Variants in EIF4EBP1 observed in about 807,000 individuals in gnomAD.
The protein encoded by EIF4EBP1 is eukaryotic translation initiation factor 4E-binding protein 1.
In EIF4EBP1, 5 loss-of-function variants were observed where a neutral mutation model predicts 9.2. The observed-to-expected ratio is 0.54, with a 90% CI of 0.28 to 1.14. The LOEUF (loss-of-function observed/expected upper bound fraction) is 1.14. Ranked by LOEUF, EIF4EBP1 falls within the 50% of genes most tolerant of loss-of-function variation. EIF4EBP1 has a pLI of 0.09. For missense variants in EIF4EBP1, 139 were observed against 169.6 expected, an observed-to-expected ratio of 0.82 and a Z score of 1.00; for synonymous variants, 62 against 67.0, an observed-to-expected ratio of 0.93 and a Z score of 0.36.
chr8:38,046,997 C>T (rs1264009745), intron 1 of EIF4EBP1, among the ~76,000 whole-genome samples: 1 of 152,194 alleles, frequency 6.6e-6, no homozygotes, highest in Non-Finnish European at 1.5e-5. Context: ...CTCTGCATCT[C>T]TGGGTTGGCA....
At chr8:38,058,841 T>A (rs572172185) in intron 2 of EIF4EBP1, among the ~76,000 whole-genome samples, 1 of 152,296 alleles carries the variant, frequency 6.6e-6, no homozygotes, top group Admixed American at 6.5e-5. Context: ...CCCAGCACTC[T>A]GGGAGGCTGA....
intron 1 of EIF4EBP1, among the ~76,000 whole-genome samples, chr8:38,040,715 A>C (rs1002918088): frequency 1.3e-5 from 2 of 152,194 alleles, no homozygotes; most frequent in Admixed American, 1.3e-4. Flanking sequence ...CTGATCACTC[A>C]GTAGTCTAGC....
intron 1 of EIF4EBP1, among the ~76,000 whole-genome samples, chr8:38,056,612 A>T (rs1418915957): frequency 6.7e-6 from 1 of 150,172 alleles, no homozygotes; most frequent in Admixed American, 6.6e-5. Flanking sequence ...GTTTGGAGGT[A>T]GCAGAGTTCT....
rs959825354 is a variant in EIF4EBP1 at position 38,057,116 on chromosome 8, G to A, written c.181G>A (p.Glu61Lys). 2.3e-5 allele frequency: 37 copies of A among 1,614,062 alleles called. No individual in the cohort carries two copies. Among genetic ancestry groups the A allele is most frequent in the Non-Finnish European group, 3.1e-5 (36 of 1,180,036 alleles). The change falls in exon 2 of 3, where the codon GAG (glutamate) becomes AAG (lysine). Residue 61 changes from glutamate (E) to lysine (K), a missense_variant. By Grantham distance (56) the Glu-to-Lys change is moderately conservative. Coordinates refer to ENST00000338825, the MANE Select transcript of EIF4EBP1 (RefSeq NM_004095.4). ...RIIYDRKFLM[E>K]CRNSPVTKTP... ...CATCTATGACCGGAAATTCCTGATGGAGTGTCGGAACTCACCTGTGACCAA... is the reference window on the plus strand; with the variant it reads ...CATCTATGACCGGAAATTCCTGATGAAGTGTCGGAACTCACCTGTGACCAA...
At chr8:38,047,086 G>A (rs1020402381) in intron 1 of EIF4EBP1, among the ~76,000 whole-genome samples, 3 of 152,156 alleles carry the variant, frequency 2.0e-5, no homozygotes, top group Admixed American at 6.5e-5. Context: ...TCTCTGGGCC[G>A]GGGGTTTAGG....
At chr8:38,031,012 G>GCC (rs1809209749) in intron 1 of EIF4EBP1, among the ~76,000 whole-genome samples, 1 of 152,218 alleles carries the variant, frequency 6.6e-6, no homozygotes. Context: ...GAGCTGTGCT[G>GCC]CCCCTTGTGG....
chr8:38,045,409 C>T (rs1221719157), intron 1 of EIF4EBP1, among the ~76,000 whole-genome samples: 1 of 152,086 alleles, frequency 6.6e-6, no homozygotes, highest in East Asian at 1.9e-4. Flanking sequence ...GGTGAGGAAA[C>T]TAGAACCTAA....
chr8:38,058,936 T>C (rs1809633617), intron 2 of EIF4EBP1, among the ~76,000 whole-genome samples: 1 of 151,782 alleles, frequency 6.6e-6, no homozygotes, highest in Non-Finnish European at 1.5e-5. Context: ...ATTTTAAAAT[T>C]AGCCAGGCAT....
chr8:38,058,478 C>T (rs916359605), intron 2 of EIF4EBP1, among the ~76,000 whole-genome samples: 6 of 152,182 alleles, frequency 3.9e-5, no homozygotes, highest in African/African-American at 9.7e-5. Context: ...TACCTCTTAA[C>T]GGCCCCAACT....
chr8:38,044,541 C>T (rs915489447), intron 1 of EIF4EBP1, among the ~76,000 whole-genome samples: 2 of 152,164 alleles, frequency 1.3e-5, no homozygotes, highest in Non-Finnish European at 2.9e-5. Context: ...TGGGCTAAAG[C>T]GATCCTCCTG....
At chr8:38,058,037 C>T (rs766009052) in intron 2 of EIF4EBP1, among the ~76,000 whole-genome samples, 13 of 152,270 alleles carry the variant, frequency 8.5e-5, no homozygotes, top group Middle Eastern at 6.8e-3. Context: ...GCAGCAGGGA[C>T]CTCAGCTTGG....
intron 1 of EIF4EBP1, among the ~76,000 whole-genome samples, chr8:38,042,236 CAT>C (rs1290118006): frequency 1.3e-5 from 2 of 152,130 alleles, no homozygotes; most frequent in Non-Finnish European, 2.9e-5. Flanking sequence ...AGGATGGACT[CAT>C]GTGTCTGTGC....
intron 1 of EIF4EBP1, among the ~76,000 whole-genome samples, chr8:38,034,470 C>T (rs903283126): frequency 2.6e-5 from 4 of 152,154 alleles, no homozygotes; most frequent in Non-Finnish European, 5.9e-5. Context: ...ATATTTGAGT[C>T]TGTGGAGTCT....
chr8:38,052,386 G>A (rs565559575), intron 1 of EIF4EBP1, among the ~76,000 whole-genome samples: 46 of 151,038 alleles, frequency 3.0e-4, no homozygotes, highest in South Asian at 8.3e-4. Context: ...TCAGCCTCCC[G>A]CGTAGCTAGG....
chr8:38,031,459 C>G (rs1402612784), intron 1 of EIF4EBP1, among the ~76,000 whole-genome samples: 1 of 152,196 alleles, frequency 6.6e-6, no homozygotes, highest in African/African-American at 2.4e-5. Flanking sequence ...ACCTGGCATT[C>G]CCTCCCAGCC....
chr8:38,041,451 G>C (rs1809378215), intron 1 of EIF4EBP1, among the ~76,000 whole-genome samples: 1 of 152,178 alleles, frequency 6.6e-6, no homozygotes, highest in African/African-American at 2.4e-5. Context: ...AAACAGGAAT[G>C]GGAGGAGTGG....
intron 2 of EIF4EBP1, among the ~76,000 whole-genome samples, chr8:38,057,576 T>C (rs747836441): frequency 2.0e-5 from 3 of 152,248 alleles, no homozygotes; most frequent in Admixed American, 1.3e-4. Flanking sequence ...CATGTGCCTC[T>C]GTATAATTGT....
At chr8:38,054,307 C>T (rs1194673817) in intron 1 of EIF4EBP1, among the ~76,000 whole-genome samples, 2 of 152,098 alleles carry the variant, frequency 1.3e-5, no homozygotes, top group African/African-American at 2.4e-5. Context: ...AAAAATTAGC[C>T]GGGCGTGATA....
chr8:38,036,662 G>T (rs1809306628), intron 1 of EIF4EBP1, among the ~76,000 whole-genome samples: 1 of 148,158 alleles, frequency 6.7e-6, no homozygotes, highest in South Asian at 2.1e-4. Context: ...CAGCAATATT[G>T]TTTCTTCTTT....
Sources: allele counts gnomAD v4.1 joint callset (sites outside exome capture counted in the v4.1 genomes callset), GRCh38; gene constraint gnomAD v4.1.1; transcripts MANE v1.5; gene names NCBI Gene and HGNC (gene_info 2026-07-23, HGNC 2026-07-21).